NEK7: variants seen among roughly 807,000 people sequenced by gnomAD.
NEK7 encodes serine/threonine-protein kinase Nek7.
A neutral mutation model predicts 44.6 loss-of-function variants in NEK7; 18 were observed. The observed-to-expected ratio is 0.40, with a 90% CI of 0.28 to 0.60. The LOEUF is 0.60. Ranked by LOEUF, NEK7 falls within the 20% of genes least tolerant of loss-of-function variation. The pLI is 0.38. For missense variants in NEK7, 256 were observed against 366.5 expected (o/e 0.70, Z 2.46); for synonymous variants, 130 against 121.1 (o/e 1.07, Z -0.48).
At chr1:198,270,019 T>C (rs1653786446) in intron 5 of NEK7, among the ~76,000 whole-genome samples, 1 of 152,078 alleles carries the variant, frequency 6.6e-6, no homozygotes, top group African/African-American at 2.4e-5. Flanking sequence ...ACATACATGC[T>C]CCATTTTGTA....
chr1:198,199,518 C>T (rs1028775981), intron 1 of NEK7, among the ~76,000 whole-genome samples: 3 of 151,784 alleles, frequency 2.0e-5, no homozygotes, highest in East Asian at 1.9e-4. Flanking sequence ...TTTAACTCCT[C>T]TCTCTATACT....
chr1:198,311,266 T>C (rs1655172423), intron 9 of NEK7, among the ~76,000 whole-genome samples: 2 of 120,042 alleles, frequency 1.7e-5, no homozygotes, highest in South Asian at 6.9e-4. Context: ...TAAGAATGCT[T>C]GTGATTTTTG....
chr1:198,169,791 G>A (rs1178209868), intron 1 of NEK7, among the ~76,000 whole-genome samples: 2 of 152,216 alleles, frequency 1.3e-5, no homozygotes, highest in African/African-American at 4.8e-5. Flanking sequence ...TAAGCCGTTA[G>A]TACTTATTGA....
chr1:198,161,878 A>G (rs894559351), intron 1 of NEK7, among the ~76,000 whole-genome samples: 2 of 152,048 alleles, frequency 1.3e-5, no homozygotes, highest in African/African-American at 2.4e-5. Flanking sequence ...TTCTTTGTCT[A>G]GTAGTTTTTA....
intron 1 of NEK7, among the ~76,000 whole-genome samples, chr1:198,181,292 C>T (rs368702562): frequency 6.6e-6 from 1 of 152,066 alleles, no homozygotes; most frequent in East Asian, 1.9e-4. Flanking sequence ...ATAGTGCCCT[C>T]TTCCATGAAG....
At chr1:198,304,029 A>G (rs1286265800) in intron 9 of NEK7, among the ~76,000 whole-genome samples, 1 of 152,110 alleles carries the variant, frequency 6.6e-6, no homozygotes, top group South Asian at 2.1e-4. Context: ...GTTGCCATGT[A>G]AGATTAGATC....
At chr1:198,160,262 G>A (rs1274215304) in intron 1 of NEK7, among the ~76,000 whole-genome samples, 7 of 149,040 alleles carry the variant, frequency 4.7e-5, no homozygotes, top group Admixed American at 1.3e-4. Flanking sequence ...CACTTTTGGG[G>A]AAAAAAAAAG....
chr1:198,205,527 C>T (rs1179177679), intron 1 of NEK7, among the ~76,000 whole-genome samples: 2 of 152,250 alleles, frequency 1.3e-5, no homozygotes, highest in Non-Finnish European at 2.9e-5. Context: ...GTGTGAACTA[C>T]TTGTTCATAG....
rs556732025 is a variant in NEK7, at chr1:198,287,122, C to T, written c.590-5823C>T. ...CTAATTTAATAGACATTTTAATGGA[C>T]GCGACAGCTAGGGAGACATTCATAT... On this transcript the variant is annotated intron_variant, in intron 7 of 9. Transcript: ENST00000367385. 1.2e-4 allele frequency among the ~76,000 whole-genome samples: 19 copies of T among 152,192 alleles called. No individual in the cohort carries two copies. In the South Asian group the frequency reaches 2.5e-3, roughly 20 times the overall value.
intron 3 of NEK7, among the ~76,000 whole-genome samples, chr1:198,257,319 C>CTT (rs1653300339): frequency 6.6e-6 from 1 of 152,008 alleles, no homozygotes; most frequent in African/African-American, 2.4e-5. Context: ...TTGTTAGTTG[C>CTT]TTTAAAGTAT....
intron 1 of NEK7, among the ~76,000 whole-genome samples, chr1:198,213,249 T>G (rs1427661583): frequency 6.6e-6 from 1 of 152,224 alleles, no homozygotes; most frequent in Non-Finnish European, 1.5e-5. Flanking sequence ...GGGAGCACCC[T>G]GTGGGACAAA....
At chr1:198,256,591 A>T in intron 3 of NEK7, 2 of 1,312,964 alleles carry the variant, frequency 1.5e-6, no homozygotes, top group Non-Finnish European at 2.0e-6. Flanking sequence ...CCTGCTGATC[A>T]TTGAATTCAT....
chr1:198,159,361 G>A (rs1231638602), intron 1 of NEK7, among the ~76,000 whole-genome samples: 1 of 152,150 alleles, frequency 6.6e-6, no homozygotes, highest in Non-Finnish European at 1.5e-5. Flanking sequence ...CATCCTAGGT[G>A]TCCCGTTTCG....
chr1:198,221,106 A>C (rs1448923006), intron 1 of NEK7: 4 of 152,110 alleles, frequency 2.6e-5, no homozygotes, highest in African/African-American at 9.6e-5. Context: ...TCTCTCTTCA[A>C]ATTGGTAAGC....
At chr1:198,165,563 G>A (rs893583057) in intron 1 of NEK7, among the ~76,000 whole-genome samples, 5 of 152,084 alleles carry the variant, frequency 3.3e-5, no homozygotes, top group African/African-American at 1.2e-4. Context: ...CTGAGCAGTC[G>A]GTCTCAACAG....
chr1:198,168,078 C>T (rs947844515), intron 1 of NEK7, among the ~76,000 whole-genome samples: 26 of 152,298 alleles, frequency 1.7e-4, no homozygotes, highest in Admixed American at 1.7e-3. Flanking sequence ...ATGACCATTT[C>T]CCCTTCTCTT....
chr1:198,232,364 G>A (rs528112957), intron 1 of NEK7, among the ~76,000 whole-genome samples, 189 bp from the exon 2 acceptor site: 51 of 152,288 alleles, frequency 3.3e-4, no homozygotes, highest in African/African-American at 1.2e-3. Flanking sequence ...AAATGGTTGA[G>A]ACAGTGAATA....
intron 7 of NEK7, among the ~76,000 whole-genome samples, chr1:198,286,848 C>A (rs1329111810): frequency 6.6e-6 from 1 of 152,162 alleles, no homozygotes. Context: ...TGCCCTCATT[C>A]CTTGGCTCCT....
At chr1:198,296,510 G>A (rs990972310) in intron 8 of NEK7, among the ~76,000 whole-genome samples, 2 of 152,126 alleles carry the variant, frequency 1.3e-5, no homozygotes, top group Non-Finnish European at 2.9e-5. Flanking sequence ...TTGAATTACA[G>A]CTATGACTCA....
Sources: allele counts gnomAD v4.1 joint callset (sites outside exome capture counted in the v4.1 genomes callset), GRCh38; gene constraint gnomAD v4.1.1; transcripts MANE v1.5; gene names NCBI Gene and HGNC (gene_info 2026-07-23, HGNC 2026-07-21).